SIPA1L1: variants seen among roughly 807,000 people sequenced by gnomAD.
SIPA1L1 encodes signal-induced proliferation-associated 1-like protein 1.
A neutral mutation model predicts 162.7 loss-of-function variants in SIPA1L1; 26 were observed. The ratio of observed to expected loss-of-function variants is 0.16; its 90% CI spans 0.12 to 0.22. The LOEUF is 0.22. Among genes scored for constraint, SIPA1L1 ranks in the 10% least tolerant of loss-of-function variants. The pLI is 1.00. For missense variants in SIPA1L1, 1,874 were observed against 2,241.0 expected (o/e 0.84, Z 3.31); for synonymous variants, 829 against 837.4 (o/e 0.99, Z 0.17).
In SIPA1L1 at chr14:71,472,355, C is replaced by CAA. The variant is rs34186703; in HGVS notation, c.-464-40375_-464-40374dup. Reference sequence around the variant, plus strand: ...TTGGAAAGCTTCCAAAGGCAAGCCTCAAAAAAAAAAAAAATCCAAAAAACC... The same window carrying CAA: ...TTGGAAAGCTTCCAAAGGCAAGCCTCAAAAAAAAAAAAAAAATCCAAAAAACC... On this transcript the variant is annotated intron_variant, in intron 2 of 23. Transcript: ENST00000381232. 6.7e-3 allele frequency among the ~76,000 whole-genome samples: 912 copies of CAA among 136,656 alleles called. 6 individuals are homozygous for CAA. The highest frequency in any genetic ancestry group is 0.021 in the African/African-American group (794 of 37,082). The allele number at this position is 136,656 out of a possible 152,430, so 89.7% of individuals were successfully genotyped here.
intron 2 of SIPA1L1, among the ~76,000 whole-genome samples, chr14:71,427,682 C>T (rs902912099): frequency 1.2e-4 from 19 of 152,126 alleles, no homozygotes; most frequent in African/African-American, 4.3e-4. Flanking sequence ...TCTTCTGCAT[C>T]CTCAAATCTG....
At position 71,590,964 on chromosome 14, in the gene SIPA1L1, G is replaced by C. The variant is rs570189725; in HGVS notation, c.1498+1594G>C. On this transcript the variant is annotated intron_variant, in intron 5 of 23. Coordinates refer to ENST00000381232, the MANE Select transcript of SIPA1L1 (RefSeq NM_001386936.1). ...AAAATGTCTTCAGGCATTGCCAAAT[G>C]TCTCTTAAGAGGTAAACTAACCCCT... Among the ~76,000 whole-genome samples the C allele has an allele frequency of 1.6e-4, 24 of 152,178 alleles. 1 individual carries two copies. In the East Asian group the frequency reaches 4.5e-3, roughly 28 times the overall value.
chr14:71,558,361 G>T (rs2214836), intron 4 of SIPA1L1, among the ~76,000 whole-genome samples: 127,313 of 152,102 alleles, frequency 0.84, 53,897 homozygotes, highest in African/African-American at 0.95. Flanking sequence ...ATGAACCTGG[G>T]TTTACCTTTG....
chr14:71,559,977 T>C (rs2056656651), intron 4 of SIPA1L1, among the ~76,000 whole-genome samples: 1 of 152,114 alleles, frequency 6.6e-6, no homozygotes, highest in Non-Finnish European at 1.5e-5. Context: ...ATATGTAAGA[T>C]ATTTGTATAT....
At chr14:71,451,031 GA>G (rs2045779554) in intron 2 of SIPA1L1, among the ~76,000 whole-genome samples, 1 of 151,982 alleles carries the variant, frequency 6.6e-6, no homozygotes, top group Non-Finnish European at 1.5e-5. Context: ...TGTGGGTAAA[GA>G]AAATATGGTA....
At chr14:71,665,300 G>A (rs2043894564) in intron 10 of SIPA1L1, among the ~76,000 whole-genome samples, 1 of 152,156 alleles carries the variant, frequency 6.6e-6, no homozygotes, top group Admixed American at 6.5e-5. Flanking sequence ...TCAAAATAAT[G>A]TGGTATTATA....
Position 71,544,056 on chromosome 14 carries a change from T to C in SIPA1L1, c.-303+14686T>C, listed in dbSNP as rs980721092. 7.9e-5 allele frequency among the ~76,000 whole-genome samples: 12 copies of C among 151,560 alleles called. No homozygotes were observed. In the South Asian group the frequency reaches 8.3e-4, roughly 10 times the overall value. ...ATGTATATACACACGCACGCACATG[T>C]ATGTATATACACACGCACGCACATG... is the stretch of plus-strand genomic sequence containing the variant. On this transcript the variant is annotated intron_variant, in intron 4 of 23. Coordinates refer to ENST00000381232, the MANE Select transcript of SIPA1L1 (RefSeq NM_001386936.1).
rs76426445 is a variant in SIPA1L1 at position 71,694,095 on chromosome 14, T to A, written c.3375-4886T>A. Among the ~76,000 whole-genome samples the A allele has an allele frequency of 8.1e-4, 123 of 152,328 alleles. 1 individual carries two copies. Among genetic ancestry groups the A allele is most frequent in the African/African-American group, 2.8e-3 (118 of 41,588 alleles). On this transcript the variant is annotated intron_variant, in intron 13 of 23. Transcript: ENST00000381232. ...AATTCCATAGCCATAAGTTGATAAGTTGTAATCAGTCATAATCTGGAGTGA... is the reference window on the plus strand; with the variant it reads ...AATTCCATAGCCATAAGTTGATAAGATGTAATCAGTCATAATCTGGAGTGA...
chr14:71,471,329 C>T (rs560532073), intron 2 of SIPA1L1, among the ~76,000 whole-genome samples: 14 of 152,084 alleles, frequency 9.2e-5, no homozygotes, highest in Admixed American at 2.0e-4. Flanking sequence ...ATTAGTCGGG[C>T]GTGGTGGCAT....
intron 7 of SIPA1L1, among the ~76,000 whole-genome samples, chr14:71,647,897 A>AT (rs11397500): frequency 0.37 from 55,360 of 151,474 alleles, 11,071 homozygotes; most frequent in East Asian, 0.69. Flanking sequence ...TTTTACCCTG[A>AT]TTTTTTTTTC....
intron 4 of SIPA1L1, among the ~76,000 whole-genome samples, chr14:71,545,973 G>A (rs925004756): frequency 8.5e-5 from 13 of 152,104 alleles, no homozygotes; most frequent in African/African-American, 3.1e-4. Context: ...GATAGCACAT[G>A]GCTGTAGTTC....
At chr14:71,707,904 C>CT (rs1367918941) in intron 16 of SIPA1L1, among the ~76,000 whole-genome samples, 1 of 151,026 alleles carries the variant, frequency 6.6e-6, no homozygotes, top group South Asian at 2.1e-4. Flanking sequence ...TATCATCTGG[C>CT]TTTTTTTTAT....
intron 2 of SIPA1L1, among the ~76,000 whole-genome samples, chr14:71,357,185 G>T (rs72728451): frequency 1.8e-3 from 271 of 152,180 alleles, no homozygotes; most frequent in Non-Finnish European, 2.9e-3. Context: ...TCAGCCTCCC[G>T]AGTAGCTGGG....
At chr14:71,476,684 T>C (rs1312900923) in intron 2 of SIPA1L1, among the ~76,000 whole-genome samples, 6 of 141,510 alleles carry the variant, frequency 4.2e-5, no homozygotes, top group Non-Finnish European at 8.1e-5. Context: ...TTTATTTATT[T>C]ATTTATTTTT....
chr14:71,452,172 C>G (rs528178589), intron 2 of SIPA1L1, among the ~76,000 whole-genome samples: 1 of 151,876 alleles, frequency 6.6e-6, no homozygotes, highest in Admixed American at 6.6e-5. Context: ...GGAAACCCCC[C>G]CCTCATGTTC....
intron 2 of SIPA1L1, among the ~76,000 whole-genome samples, chr14:71,474,294 A>G (rs2047684182): frequency 6.6e-6 from 1 of 152,188 alleles, no homozygotes; most frequent in South Asian, 2.1e-4. Flanking sequence ...AAATTTAGTT[A>G]TTTTACATGG....
chr14:71,531,526 G>C (rs920847839), intron 4 of SIPA1L1, among the ~76,000 whole-genome samples: 6 of 151,932 alleles, frequency 3.9e-5, no homozygotes, highest in Non-Finnish European at 8.8e-5. Context: ...TTGTTCTTGT[G>C]TGAAATGTAT....
At chr14:71,455,978 A>T (rs573316059) in intron 2 of SIPA1L1, among the ~76,000 whole-genome samples, 1 of 152,072 alleles carries the variant, frequency 6.6e-6, no homozygotes, top group Non-Finnish European at 1.5e-5. Flanking sequence ...TTCATTTACT[A>T]TTGTGTTTAT....
intron 2 of SIPA1L1, among the ~76,000 whole-genome samples, chr14:71,335,540 C>T (rs866016556): frequency 3.3e-5 from 5 of 152,098 alleles, no homozygotes; most frequent in Admixed American, 6.6e-5. Context: ...GTATGGTAAC[C>T]GTTGGAATAC....
Sources: gnomAD v4.1 joint callset for allele counts (sites outside exome capture counted in the v4.1 genomes callset) on GRCh38, gnomAD v4.1.1 for gene constraint, MANE v1.5 for transcripts, NCBI Gene and HGNC (gene_info 2026-07-23, HGNC 2026-07-21) for gene names.